CCDC169: variants seen among roughly 807,000 people sequenced by gnomAD.
The protein encoded by CCDC169 is coiled-coil domain containing 169.
A neutral mutation model predicts 36.0 loss-of-function variants in CCDC169; 30 were observed. That is an observed-to-expected ratio of 0.83 (90% CI 0.62 to 1.13). CCDC169 has a LOEUF of 1.13. CCDC169 is among the 50% of genes most tolerant of loss of function. The pLI is 0.00. For missense variants in CCDC169, 245 were observed against 245.9 expected (o/e 1.00, Z 0.03); for synonymous variants, 85 against 81.5 (o/e 1.04, Z -0.23).
intron 7 of CCDC169, among the ~76,000 whole-genome samples, chr13:36,239,541 T>C (rs980468799): frequency 5.3e-5 from 8 of 152,196 alleles, no homozygotes; most frequent in African/African-American, 1.9e-4. Context: ...AATCAATACA[T>C]TGTTACTCTG....
At chr13:36,250,566 C>T (rs1346305291) in intron 6 of CCDC169, among the ~76,000 whole-genome samples, 1 of 152,180 alleles carries the variant, frequency 6.6e-6, no homozygotes, top group Admixed American at 6.5e-5. Context: ...TAAACCTAGG[C>T]AGCCACATTT....
Position 36,282,409 on chromosome 13 carries a change from G to A in CCDC169, c.315+1060C>T, listed in dbSNP as rs1877646614. ...GGATATAGGATTGTTGGATCCCAATGCTTTTTGCTTAGTAATTGGACACTT... is the reference window on the plus strand; with the variant it reads ...GGATATAGGATTGTTGGATCCCAATACTTTTTGCTTAGTAATTGGACACTT... On this transcript the variant is annotated intron_variant, in intron 4 of 7. Coordinates refer to ENST00000239859, the MANE Select transcript of CCDC169 (RefSeq NM_001144981.3). 4.1e-6 allele frequency: 4 copies of A among 985,350 alleles called. No individual in the cohort carries two copies. The African/African-American group carries it at 7.0e-5, about 17-fold the overall frequency. 61.0% of individuals were successfully genotyped at this position (985,350 alleles called of 1,614,324 possible).
intron 2 of CCDC169, among the ~76,000 whole-genome samples, chr13:36,293,562 G>T (rs897163247): frequency 1.3e-4 from 20 of 152,132 alleles, no homozygotes; most frequent in African/African-American, 4.3e-4. Flanking sequence ...CCCTTGACTG[G>T]CCTGGCAGTC....
intron 7 of CCDC169, among the ~76,000 whole-genome samples, chr13:36,244,979 T>G (rs915790918): frequency 6.6e-6 from 1 of 152,140 alleles, no homozygotes; most frequent in Non-Finnish European, 1.5e-5. Flanking sequence ...TTTAAAGAAT[T>G]TGACTATTCA....
At chr13:36,259,697 C>T (rs1002192616) in intron 4 of CCDC169, among the ~76,000 whole-genome samples, 8 of 151,820 alleles carry the variant, frequency 5.3e-5, no homozygotes, top group Admixed American at 2.6e-4. Flanking sequence ...CAATCAGAGG[C>T]TGAAGTGAAG....
chr13:36,233,316 C>A (rs1870667345), intron 7 of CCDC169, among the ~76,000 whole-genome samples: 1 of 151,930 alleles, frequency 6.6e-6, no homozygotes, highest in Admixed American at 6.6e-5. Flanking sequence ...ACAGTGACAA[C>A]AACAAACCCT....
chr13:36,255,734 G>A (rs1873785109), intron 4 of CCDC169, among the ~76,000 whole-genome samples: 1 of 151,030 alleles, frequency 6.6e-6, no homozygotes, highest in South Asian at 2.1e-4. Context: ...TCCTTCTTTG[G>A]ATTTCTTCCC....
chr13:36,291,194 A>G (rs1385514082), intron 2 of CCDC169, among the ~76,000 whole-genome samples: 1 of 152,198 alleles, frequency 6.6e-6, no homozygotes, highest in Non-Finnish European at 1.5e-5. Context: ...GACTGACAAG[A>G]CAGACTCTGT....
intron 4 of CCDC169, among the ~76,000 whole-genome samples, chr13:36,257,175 A>G (rs1018167411): frequency 2.6e-5 from 4 of 152,208 alleles, no homozygotes; most frequent in Non-Finnish European, 5.9e-5. Flanking sequence ...ATAGAAAGTG[A>G]CATTACTTAT....
At chr13:36,271,757 G>T (rs967984321) in intron 4 of CCDC169, among the ~76,000 whole-genome samples, 1 of 151,964 alleles carries the variant, frequency 6.6e-6, no homozygotes, top group Admixed American at 6.6e-5. Context: ...GATGCAGAAG[G>T]GGGTGGCTGG....
At chr13:36,271,478 T>C (rs1876053012) in intron 4 of CCDC169, among the ~76,000 whole-genome samples, 1 of 152,126 alleles carries the variant, frequency 6.6e-6, no homozygotes, top group Non-Finnish European at 1.5e-5. Flanking sequence ...GGAGCACAAT[T>C]CATAATTGCA....
At chr13:36,239,248 G>A (rs201623631) in intron 7 of CCDC169, among the ~76,000 whole-genome samples, 14 of 147,332 alleles carry the variant, frequency 9.5e-5, no homozygotes, top group East Asian at 2.0e-4. Context: ...TTAAAAAAAA[G>A]AAAAAAAAAA....
intron 4 of CCDC169, among the ~76,000 whole-genome samples, chr13:36,273,026 T>C (rs1876307679): frequency 6.6e-6 from 1 of 152,222 alleles, no homozygotes; most frequent in Non-Finnish European, 1.5e-5. Flanking sequence ...ACTGATATTC[T>C]TCTCTGCAGG....
chr13:36,279,794 T>C (rs959766487), intron 4 of CCDC169, among the ~76,000 whole-genome samples: 1 of 152,172 alleles, frequency 6.6e-6, no homozygotes, highest in African/African-American at 2.4e-5. Flanking sequence ...AGCAGCAGGG[T>C]TGAATAGCTA....
chr13:36,292,308 T>C (rs1214529898), intron 2 of CCDC169, among the ~76,000 whole-genome samples: 1 of 152,168 alleles, frequency 6.6e-6, no homozygotes, highest in East Asian at 1.9e-4. Flanking sequence ...TTTTTCAATC[T>C]ATAAAACGGA....
downstream of CCDC169, among the ~76,000 whole-genome samples, chr13:36,228,018 C>T (rs1239128609): frequency 6.6e-6 from 1 of 152,176 alleles, no homozygotes; most frequent in African/African-American, 2.4e-5. Flanking sequence ...TTTCTACTGC[C>T]AAATAATATC....
chr13:36,276,208 C>T (rs943236035), intron 4 of CCDC169, among the ~76,000 whole-genome samples: 11 of 152,192 alleles, frequency 7.2e-5, no homozygotes, highest in East Asian at 1.9e-4. Flanking sequence ...ACTAAAAATT[C>T]GCTTTAAGGA....
intron 7 of CCDC169, among the ~76,000 whole-genome samples, chr13:36,237,953 A>G (rs1298259187): frequency 1.3e-5 from 2 of 152,196 alleles, no homozygotes; most frequent in Non-Finnish European, 2.9e-5. Flanking sequence ...TCTACCATCT[A>G]GGTTTTTGTA....
Position 36,297,174 on chromosome 13 carries a change from C to T in CCDC169, c.83+463G>A, listed in dbSNP as rs144535745. On this transcript the variant is annotated intron_variant, in intron 1 of 7. Coordinates refer to ENST00000239859, the MANE Select transcript of CCDC169 (RefSeq NM_001144981.3). The stretch of plus-strand genomic sequence containing the variant: ...CTTTAAATGTTTCAAAAATTTAACA[C>T]GAAGTACGAATACTGTTTTTAAAAA... Among the ~76,000 whole-genome samples the T allele has an allele frequency of 1.6e-4, 25 of 151,888 alleles. No homozygotes were observed. The East Asian group carries it at 4.6e-3, about 28-fold the overall frequency.
Sources: allele counts gnomAD v4.1 joint callset (sites outside exome capture counted in the v4.1 genomes callset), GRCh38; gene constraint gnomAD v4.1.1; transcripts MANE v1.5; gene names NCBI Gene and HGNC (gene_info 2026-07-23, HGNC 2026-07-21).